Variants in DYSF observed in about 807,000 individuals in gnomAD.
DYSF encodes dystrophy-associated fer-1-like 1.
Under a neutral mutation model 274.9 loss-of-function variants are expected in DYSF, and 212 were observed. The ratio of observed to expected loss-of-function variants is 0.77; its 90% CI spans 0.69 to 0.86. DYSF has a LOEUF of 0.86. Ranked by LOEUF, DYSF falls within the 40% of genes least tolerant of loss-of-function variation. The pLI, the probability that DYSF is intolerant of heterozygous loss-of-function variation, is 0.00. For synonymous variants in DYSF, 1,091 were observed against 1,078.7 expected, an observed-to-expected ratio of 1.01 and a Z score of -0.22; for missense variants, 2,666 against 2,783.2, an observed-to-expected ratio of 0.96 and a Z score of 0.95.
chr2:71,518,957 G>T (rs1368138406), intron 10 of DYSF, among the ~76,000 whole-genome samples: 2 of 151,830 alleles, frequency 1.3e-5, no homozygotes, highest in African/African-American at 4.8e-5. Flanking sequence ...GCTGGGCATG[G>T]TGGTATGCGC....
In DYSF at chr2:71,611,257, G is replaced by T; in HGVS notation, c.3970G>T (p.Asp1324Tyr). Reference protein sequence around the residue: ...SRILDESEDTDLPYPPPQREA... With the variant: ...SRILDESEDTYLPYPPPQREA... The stretch of plus-strand genomic sequence containing the variant: ...CTGTCCACTGCAGTCTGAGGACACA[G>T]ACCTGCCCTACCCACCACCCCAGAG... Residue 1324 changes from aspartate to tyrosine, a missense_variant, in exon 37 of 56, where the codon GAC (aspartate) becomes TAC (tyrosine). This residue lies in a region of DYSF where 1,460 missense variants were observed against 1,502.1 expected (regional missense o/e 0.97). Transcript: ENST00000410020. 1.9e-6 allele frequency: 3 copies of T among 1,613,638 alleles called. No homozygotes were observed. The highest frequency in any genetic ancestry group is 1.1e-5 in the South Asian group (1 of 91,066).
At chr2:71,471,636 T>C (rs910031869) in intron 1 of DYSF, among the ~76,000 whole-genome samples, 1 of 152,192 alleles carries the variant, frequency 6.6e-6, no homozygotes, top group African/African-American at 2.4e-5. Context: ...AATCCCATCA[T>C]AGATTTTTTT....
chr2:71,468,722 C>T (rs1250002271), intron 1 of DYSF, among the ~76,000 whole-genome samples: 1 of 152,210 alleles, frequency 6.6e-6, no homozygotes, highest in African/African-American at 2.4e-5. Context: ...CCTGGATCCC[C>T]CTGGCTCTCA....
intron 3 of DYSF, among the ~76,000 whole-genome samples, chr2:71,484,045 C>CTTTTTTTTT (rs59780652): frequency 5.9e-5 from 4 of 67,548 alleles, no homozygotes; most frequent in Non-Finnish European, 1.0e-4. Flanking sequence ...GGAGATTTCC[C>CTTTTTTTTT]TTTTTTTTTT....
chr2:71,658,260 C>G (rs1242834199), intron 43 of DYSF, among the ~76,000 whole-genome samples: 2 of 152,200 alleles, frequency 1.3e-5, no homozygotes, highest in Non-Finnish European at 2.9e-5. Flanking sequence ...CCATCTCTAT[C>G]TGAGACCACC....
Position 71,660,656 on chromosome 2 carries a change from A to G in DYSF, c.5003+5A>G, listed in dbSNP as rs201863463. ...GCTGGAGCCCGTATTTGGAAAGTAA[A>G]TTGGGGCATCTTGGGTCTTGGGGTG... On this transcript the variant is annotated splice_donor_5th_base_variant and intron_variant, in intron 45 of 55. Transcript: ENST00000410020. The G allele has an allele frequency of 1.9e-6, 3 of 1,613,214 alleles. No individual in the cohort carries two copies. In the African/African-American group the frequency reaches 4.0e-5, roughly 22 times the overall value.
intron 32 of DYSF, among the ~76,000 whole-genome samples, chr2:71,596,086 C>T (rs1233703497): frequency 6.6e-6 from 1 of 151,790 alleles, no homozygotes; most frequent in Non-Finnish European, 1.5e-5. Flanking sequence ...TCTGAGGCCC[C>T]AGGCCTCCAG....
intron 32 of DYSF, among the ~76,000 whole-genome samples, chr2:71,595,294 G>A (rs796443898): frequency 2.6e-5 from 4 of 152,102 alleles, no homozygotes; most frequent in East Asian, 1.9e-4. Context: ...TTTAATTTGC[G>A]TTGCCTTGAT....
chr2:71,499,123 A>G (rs1282266981), intron 3 of DYSF, among the ~76,000 whole-genome samples: 1 of 152,224 alleles, frequency 6.6e-6, no homozygotes, highest in Admixed American at 6.5e-5. Flanking sequence ...GCTGTTCCCT[A>G]ACAGGTAACC....
intron 36 of DYSF, among the ~76,000 whole-genome samples, chr2:71,603,556 G>T (rs2093591983): frequency 6.6e-6 from 1 of 152,204 alleles, no homozygotes; most frequent in South Asian, 2.1e-4. Flanking sequence ...GACATTTTCA[G>T]TGTAATTTGG....
chr2:71,550,850 T>C (rs1156842630), intron 17 of DYSF, among the ~76,000 whole-genome samples, 191 bp from the exon 18 acceptor site: 1 of 151,976 alleles, frequency 6.6e-6, no homozygotes, highest in Non-Finnish European at 1.5e-5. Context: ...TGGTGAGGAG[T>C]AAAGAGACTT....
intron 1 of DYSF, among the ~76,000 whole-genome samples, chr2:71,461,674 C>T (rs377551018): frequency 1.8e-4 from 28 of 152,256 alleles, no homozygotes; most frequent in African/African-American, 5.3e-4. Flanking sequence ...TGTGATGAGG[C>T]GACTGACCAG....
In DYSF at chr2:71,667,429, C is replaced by T. The variant is rs1176453205; in HGVS notation, c.5371C>T (p.Leu1791=). Residue 1791 remains leucine, a synonymous_variant, in exon 48 of 56, where the codon CTG becomes TTG. Transcript: ENST00000410020. ...GGGCCCAGTGGAGGAGCGTCTGGCT[C>T]TGCATGTGCTTCAGCAGCAGGGCCT... is the stretch of plus-strand genomic sequence containing the variant. The part of the protein sequence containing the change: ...HLGPVEERLA[L]HVLQQQGLVP... 1.9e-6 allele frequency: 3 copies of T among 1,614,018 alleles called. No individual in the cohort carries two copies. Among genetic ancestry groups the T allele is most frequent in the African/African-American group, 2.7e-5 (2 of 74,910 alleles).
chr2:71,525,246 G>C (rs758735668), intron 12 of DYSF, among the ~76,000 whole-genome samples: 1 of 151,908 alleles, frequency 6.6e-6, no homozygotes, highest in African/African-American at 2.4e-5. Context: ...TGGGGGCGGG[G>C]GGCGGTCTCA....
chr2:71,551,205 C>A (rs374089229), intron 18 of DYSF, 49 bp downstream of exon 18: 2 of 1,582,960 alleles, frequency 1.3e-6, no homozygotes, highest in South Asian at 1.1e-5. Context: ...ATGCCCAGGT[C>A]CCTCAGGAGC....
intron 1 of DYSF, among the ~76,000 whole-genome samples, chr2:71,471,304 A>G (rs948300207): frequency 6.6e-6 from 1 of 152,168 alleles, no homozygotes; most frequent in African/African-American, 2.4e-5. Flanking sequence ...ATATAAATAT[A>G]TGATTTAATA....
intron 1 of DYSF, among the ~76,000 whole-genome samples, chr2:71,472,439 T>C (rs2082097960): frequency 6.6e-6 from 1 of 152,186 alleles, no homozygotes; most frequent in Non-Finnish European, 1.5e-5. Context: ...CAGAGTCTCA[T>C]TCTGTCGCCC....
chr2:71,592,638 G>A (rs887353116), intron 32 of DYSF, among the ~76,000 whole-genome samples: 2 of 152,238 alleles, frequency 1.3e-5, no homozygotes, highest in African/African-American at 4.8e-5. Context: ...GGAGGGCCTG[G>A]CACAGTGTCT....
intron 30 of DYSF, among the ~76,000 whole-genome samples, chr2:71,579,124 C>G (rs2092806420): frequency 6.6e-6 from 1 of 152,168 alleles, no homozygotes; most frequent in Non-Finnish European, 1.5e-5. Context: ...GCAGCCACCA[C>G]CGCCGCCTCC....
Sources: gnomAD v4.1 joint callset for allele counts (sites outside exome capture counted in the v4.1 genomes callset) on GRCh38, gnomAD v4.1.1 for gene constraint, gnomAD v4.1.1 regional missense constraint, MANE v1.5 for transcripts, NCBI Gene and HGNC (gene_info 2026-07-23, HGNC 2026-07-21) for gene names.